PTPRT: variants seen among roughly 807,000 people sequenced by gnomAD.
The protein encoded by PTPRT is protein tyrosine phosphatase receptor type T.
A neutral mutation model predicts 176.8 loss-of-function variants in PTPRT; 56 were observed. The ratio of observed to expected loss-of-function variants is 0.32; its 90% CI spans 0.26 to 0.40. The LOEUF (loss-of-function observed/expected upper bound fraction) is 0.40, where lower values mean the gene tolerates loss of function less well. Ranked by LOEUF, PTPRT falls within the 10% of genes least tolerant of loss-of-function variation. The pLI is 1.00. For missense variants in PTPRT, 1,540 were observed against 1,908.2 expected (o/e 0.81, Z 3.60); for synonymous variants, 783 against 739.0 (o/e 1.06, Z -0.96).
chr20:42,873,529 T>G (rs2078880391), intron 2 of PTPRT, among the ~76,000 whole-genome samples: 1 of 152,220 alleles, frequency 6.6e-6, no homozygotes, highest in African/African-American at 2.4e-5. Flanking sequence ...GAGCCACGTA[T>G]GCAATTCTAA....
chr20:42,817,170 A>G (rs922248769), intron 2 of PTPRT, among the ~76,000 whole-genome samples: 2 of 152,246 alleles, frequency 1.3e-5, no homozygotes, highest in Admixed American at 1.3e-4. Context: ...CCAGTAGACA[A>G]CATATTAAGT....
At chr20:42,918,165 CA>C (rs1978903216) in intron 1 of PTPRT, among the ~76,000 whole-genome samples, 1 of 152,016 alleles carries the variant, frequency 6.6e-6, no homozygotes, top group African/African-American at 2.4e-5. Flanking sequence ...TCCTGGAGAC[CA>C]GTAGTGAGAG....
intron 16 of PTPRT, among the ~76,000 whole-genome samples, chr20:42,198,226 T>C (rs1049487424): frequency 6.6e-6 from 1 of 152,224 alleles, no homozygotes; most frequent in African/African-American, 2.4e-5. Context: ...ATAGCTTACC[T>C]ATAAAATGGG....
intron 9 of PTPRT, among the ~76,000 whole-genome samples, chr20:42,407,396 T>C (rs1028495774): frequency 6.6e-6 from 1 of 152,186 alleles, no homozygotes; most frequent in Non-Finnish European, 1.5e-5. Flanking sequence ...TGGGTTAAGA[T>C]TTCCTGGAAT....
intron 6 of PTPRT, among the ~76,000 whole-genome samples, chr20:42,715,644 G>A (rs1173604502): frequency 3.3e-5 from 5 of 152,064 alleles, no homozygotes; most frequent in Admixed American, 2.0e-4. Flanking sequence ...AAAAAATAAA[G>A]AGACTTTGCA....
intron 9 of PTPRT, among the ~76,000 whole-genome samples, chr20:42,442,256 G>A (rs2059323067): frequency 6.6e-6 from 1 of 152,192 alleles, no homozygotes; most frequent in Admixed American, 6.5e-5. Flanking sequence ...AGACGCTCCA[G>A]CCTCCTTGTA....
intron 6 of PTPRT, among the ~76,000 whole-genome samples, chr20:42,755,939 T>G (rs916940315): frequency 4.6e-5 from 7 of 152,200 alleles, no homozygotes; most frequent in Non-Finnish European, 1.0e-4. Context: ...CTGCATATTT[T>G]AATGGAAAGC....
intron 12 of PTPRT, among the ~76,000 whole-genome samples, chr20:42,296,445 C>A (rs1425608982): frequency 2.5e-3 from 312 of 123,562 alleles, no homozygotes; most frequent in Admixed American, 2.6e-3. Flanking sequence ...GACTCTGTCT[C>A]AAAAAAAAAA....
At chr20:42,151,605 CAT>C (rs1185997476) in intron 17 of PTPRT, among the ~76,000 whole-genome samples, 1 of 152,188 alleles carries the variant, frequency 6.6e-6, no homozygotes, top group Non-Finnish European at 1.5e-5. Flanking sequence ...CTGCAGTAAA[CAT>C]ATGTGTGCAT....
intron 6 of PTPRT, among the ~76,000 whole-genome samples, chr20:42,725,333 G>A (rs925386073): frequency 6.6e-6 from 1 of 151,946 alleles, no homozygotes; most frequent in Admixed American, 6.6e-5. Context: ...AAACAAACAT[G>A]CTGTAAAGGA....
At chr20:42,252,296 G>A (rs182420038) in intron 13 of PTPRT, among the ~76,000 whole-genome samples, 2 of 152,280 alleles carry the variant, frequency 1.3e-5, no homozygotes, top group East Asian at 1.9e-4. Context: ...TCAAAAATGC[G>A]ATCTGGAGCT....
intron 22 of PTPRT, among the ~76,000 whole-genome samples, chr20:42,114,014 C>T (rs1256620237): frequency 1.3e-5 from 2 of 152,256 alleles, no homozygotes; most frequent in Admixed American, 1.3e-4. Flanking sequence ...CTCTAGTCTG[C>T]AGAGCAGCCT....
At chr20:42,367,904 A>G (rs1286907456) in intron 9 of PTPRT, among the ~76,000 whole-genome samples, 2 of 152,218 alleles carry the variant, frequency 1.3e-5, no homozygotes, top group African/African-American at 2.4e-5. Context: ...GACAGACTTC[A>G]TGGTGAGAAC....
intron 1 of PTPRT, among the ~76,000 whole-genome samples, chr20:42,894,621 C>T (rs935270231): frequency 6.6e-6 from 1 of 152,154 alleles, no homozygotes; most frequent in African/African-American, 2.4e-5. Context: ...ACTCATTATA[C>T]TAGGTTGCCA....
chr20:42,713,336 AC>A (rs1468164146), intron 6 of PTPRT, among the ~76,000 whole-genome samples: 2 of 152,304 alleles, frequency 1.3e-5, no homozygotes, highest in East Asian at 3.9e-4. Context: ...AATATTTTTA[AC>A]TGCTGCCAGC....
chr20:42,302,995 T>C (rs111380051), intron 12 of PTPRT, among the ~76,000 whole-genome samples: 3 of 152,292 alleles, frequency 2.0e-5, no homozygotes, highest in East Asian at 1.9e-4. Flanking sequence ...TCCTCAACAA[T>C]AGGACTTTGA....
At chr20:43,164,214 C>G (rs1159729863) in intron 1 of PTPRT, among the ~76,000 whole-genome samples, 1 of 152,130 alleles carries the variant, frequency 6.6e-6, no homozygotes, top group East Asian at 1.9e-4. Flanking sequence ...CTGTTAGGGA[C>G]AAGGATGTGC....
At chr20:42,745,442 C>A (rs377733066) in intron 6 of PTPRT, among the ~76,000 whole-genome samples, 14 of 152,172 alleles carry the variant, frequency 9.2e-5, no homozygotes, top group African/African-American at 3.4e-4. Flanking sequence ...TGTTTAACAG[C>A]ATCTCTGGGC....
intron 27 of PTPRT, among the ~76,000 whole-genome samples, chr20:42,093,686 G>A (rs1311416723): frequency 6.6e-6 from 1 of 152,236 alleles, no homozygotes; most frequent in Non-Finnish European, 1.5e-5. Flanking sequence ...GAGTGACCTA[G>A]CAATGCTCAG....
Sources: gnomAD v4.1 joint callset for allele counts (sites outside exome capture counted in the v4.1 genomes callset) on GRCh38, gnomAD v4.1.1 for gene constraint, MANE v1.5 for transcripts, NCBI Gene and HGNC (gene_info 2026-07-23, HGNC 2026-07-21) for gene names.